The following SLC24A4 variants were observed in gnomAD, a reference collection of about 807,000 sequenced individuals.
The protein encoded by SLC24A4 is sodium/potassium/calcium exchanger 4.
Under a neutral mutation model 79.0 loss-of-function variants are expected in SLC24A4, and 53 were observed. The ratio of observed to expected loss-of-function variants is 0.67; its 90% CI spans 0.54 to 0.84. The LOEUF (loss-of-function observed/expected upper bound fraction) is 0.84, where lower values mean the gene tolerates loss of function less well. Among genes scored for constraint, SLC24A4 ranks in the 40% least tolerant of loss-of-function variants. The pLI, the probability that SLC24A4 is intolerant of heterozygous loss-of-function variation, is 0.00. For missense variants in SLC24A4, 731 were observed against 822.0 expected (o/e 0.89, Z 1.35); for synonymous variants, 323 against 323.8 (o/e 1.00, Z 0.03).
At position 92,491,730 on chromosome 14, in the gene SLC24A4, G is replaced by C. The variant is rs749066267; in HGVS notation, c.1603G>C (p.Gly535Arg). 7 of 1,613,964 alleles carry C rather than the reference G, an allele frequency of 4.3e-6. No homozygotes were observed. The highest frequency in any genetic ancestry group is 5.9e-6 in the Non-Finnish European group (7 of 1,179,878). Residue 535 changes from glycine to arginine, a missense_variant, in exon 15 of 17, where the codon GGT becomes CGT. By Grantham distance (125) the Gly-to-Arg change is moderately radical (BLOSUM62 -2). Transcript: ENST00000532405. ...SNVFDILVGL[G>R]VPWGLQTMVV... ...CGTGTTTGACATCCTGGTAGGACTT[G>C]GTGTACCGTGGGGCCTGCAGACCAT...
chr14:92,414,166 C>T (rs1272230630), intron 2 of SLC24A4, among the ~76,000 whole-genome samples: 1 of 152,060 alleles, frequency 6.6e-6, no homozygotes, highest in African/African-American at 2.4e-5. Flanking sequence ...CTATTGGCAT[C>T]GGGGGCTGGA....
Position 92,323,979 on chromosome 14 carries a change from C to T in SLC24A4, c.130+19C>T, listed in dbSNP as rs565075972. 2 of 1,606,220 alleles carry T rather than the reference C, an allele frequency of 1.2e-6. No homozygotes were observed. The highest frequency in any genetic ancestry group is 2.7e-5 in the African/African-American group (2 of 74,702). On this transcript the variant is annotated intron_variant, in intron 1 of 16. Coordinates refer to ENST00000532405, the MANE Select transcript of SLC24A4 (RefSeq NM_153646.4). The surrounding 1 kb of genome is among the most constrained non-coding windows in gnomAD (Gnocchi z 4.9). ...AGCTTGGGTGGGTGCTGGTACGGGT[C>T]CCCTCTTCCTGGGGAGTTGGGGGCT...
Position 92,456,404 on chromosome 14 carries a change from C to T in SLC24A4, c.1051C>T (p.Arg351Trp), listed in dbSNP as rs200923561. The T allele has an allele frequency of 9.3e-6, 15 of 1,614,124 alleles. No individual in the cohort carries two copies. Among genetic ancestry groups the T allele is most frequent in the Admixed American group, 8.3e-5 (5 of 60,030 alleles). Residue 351 changes from arginine to tryptophan, a missense_variant and splice_region_variant, in exon 12 of 17, where the codon CGG becomes TGG. Coordinates refer to ENST00000532405, the MANE Select transcript of SLC24A4 (RefSeq NM_153646.4). ...RMASRIIINE[R>W]QRLINSANGV... ...TCCATGTTGCCTCCTGTCCACACAGCGGCAGAGACTGATCAACTCGGCCAA... is the reference window on the plus strand; with the variant it reads ...TCCATGTTGCCTCCTGTCCACACAGTGGCAGAGACTGATCAACTCGGCCAA...
intron 2 of SLC24A4, among the ~76,000 whole-genome samples, chr14:92,328,175 C>G (rs1371099659): frequency 6.6e-6 from 1 of 152,216 alleles, no homozygotes; most frequent in Non-Finnish European, 1.5e-5. Flanking sequence ...GCCAGCCTTC[C>G]CTTCCAGCAT....
At chr14:92,397,994 A>G (rs550340461) in intron 2 of SLC24A4, among the ~76,000 whole-genome samples, 98 of 152,328 alleles carry the variant, frequency 6.4e-4, no homozygotes, top group Middle Eastern at 6.8e-3. Flanking sequence ...CAAGCCACGC[A>G]ACCAATAACG....
intron 2 of SLC24A4, among the ~76,000 whole-genome samples, chr14:92,350,954 G>T (rs1190154674): frequency 6.6e-6 from 1 of 152,150 alleles, no homozygotes; most frequent in Non-Finnish European, 1.5e-5. Flanking sequence ...CTCTCTTTCT[G>T]CCTTGTGAGG....
intron 8 of SLC24A4, 150 bp downstream of exon 8, chr14:92,445,492 T>A: frequency 1.1e-6 from 1 of 890,710 alleles, no homozygotes. Context: ...TTCTAAGCAG[T>A]CATGCCTTTC....
At chr14:92,407,948 T>C (rs1042297458) in intron 2 of SLC24A4, among the ~76,000 whole-genome samples, 2 of 147,004 alleles carry the variant, frequency 1.4e-5, no homozygotes, top group Admixed American at 1.4e-4. Flanking sequence ...CAGATAGAAA[T>C]TATTTCCAAT....
chr14:92,413,549 C>G (rs966317827), intron 2 of SLC24A4, among the ~76,000 whole-genome samples: 1 of 152,228 alleles, frequency 6.6e-6, no homozygotes, highest in Non-Finnish European at 1.5e-5. Context: ...TTACAGTCAC[C>G]ATTAGCTGCA....
chr14:92,324,688 C>G (rs1216998302), intron 1 of SLC24A4, among the ~76,000 whole-genome samples: 2 of 152,204 alleles, frequency 1.3e-5, no homozygotes, highest in African/African-American at 4.8e-5. Context: ...GCATTCACTT[C>G]CCTAACTCAG....
intron 12 of SLC24A4, among the ~76,000 whole-genome samples, chr14:92,460,525 A>T (rs1261601932): frequency 2.6e-5 from 4 of 151,986 alleles, no homozygotes; most frequent in Non-Finnish European, 5.9e-5. Context: ...GCTCAAGGAG[A>T]GGGAATTATC....
chr14:92,378,886 AAT>A (rs1380461170), intron 2 of SLC24A4, among the ~76,000 whole-genome samples: 1 of 152,168 alleles, frequency 6.6e-6, no homozygotes, highest in Non-Finnish European at 1.5e-5. Flanking sequence ...CCTGACTCTA[AAT>A]AAAAACAAAA....
At chr14:92,334,123 AG>A (rs1484741105) in intron 2 of SLC24A4, among the ~76,000 whole-genome samples, 2 of 152,226 alleles carry the variant, frequency 1.3e-5, no homozygotes, top group African/African-American at 4.8e-5. Flanking sequence ...TTGGGAGACA[AG>A]TCACACATCC....
At chr14:92,386,634 C>T (rs1889172867) in intron 2 of SLC24A4, among the ~76,000 whole-genome samples, 1 of 152,212 alleles carries the variant, frequency 6.6e-6, no homozygotes, top group Non-Finnish European at 1.5e-5. Context: ...TCTCTCCTCT[C>T]ACCCTAAAAG....
At chr14:92,417,253 C>T (rs970035407) in intron 2 of SLC24A4, among the ~76,000 whole-genome samples, 14 of 152,188 alleles carry the variant, frequency 9.2e-5, no homozygotes, top group African/African-American at 3.1e-4. Flanking sequence ...CACCTAGTGA[C>T]GTCTTGCTAG....
chr14:92,380,206 G>C (rs1258633242), intron 2 of SLC24A4, among the ~76,000 whole-genome samples: 1 of 152,226 alleles, frequency 6.6e-6, no homozygotes, highest in Non-Finnish European at 1.5e-5. Flanking sequence ...CCAAGGGCCA[G>C]AGGTAGAGCA....
intron 12 of SLC24A4, among the ~76,000 whole-genome samples, chr14:92,465,752 AC>A (rs1213543725): frequency 3.3e-5 from 5 of 151,568 alleles, no homozygotes; most frequent in Admixed American, 3.3e-4. Flanking sequence ...CCCCCTCCCG[AC>A]CCCCGAGAGC....
Position 92,343,636 on chromosome 14 carries a change from CTT to C in SLC24A4, c.241+17660_241+17661del, listed in dbSNP as rs1566700019. On this transcript the variant is annotated intron_variant, in intron 2 of 16. Coordinates refer to ENST00000532405, the MANE Select transcript of SLC24A4 (RefSeq NM_153646.4). ...TCTTTCTTTCTTTCTTTCTTTCTTTCTTTCTCTCTTTCCTTCTTTCCTTCCTT... is the reference window on the plus strand; with the variant it reads ...TCTTTCTTTCTTTCTTTCTTTCTTTCTCTCTCTTTCCTTCTTTCCTTCCTT... Among the ~76,000 whole-genome samples the C allele has an allele frequency of 1.2e-3, 172 of 142,770 alleles. 1 individual carries two copies. Among genetic ancestry groups the C allele is most frequent in the African/African-American group, 4.2e-3 (160 of 38,358 alleles). The allele number at this position is 142,770 out of a possible 152,430, so 93.7% of individuals were successfully genotyped here. A position where few individuals can be genotyped will look rare whatever the true frequency, so the allele number is the denominator to read the frequency against.
At chr14:92,473,255 A>G (rs1894533753) in intron 12 of SLC24A4, among the ~76,000 whole-genome samples, 1 of 152,196 alleles carries the variant, frequency 6.6e-6, no homozygotes, top group Admixed American at 6.5e-5. Context: ...CCTTCAGGAT[A>G]TTGCTAGGAC....
Sources: gnomAD v4.1 joint callset for allele counts (sites outside exome capture counted in the v4.1 genomes callset) on GRCh38, gnomAD v4.1.1 for gene constraint, Gnocchi (gnomAD v3.1) non-coding constraint, MANE v1.5 for transcripts, NCBI Gene and HGNC (gene_info 2026-07-23, HGNC 2026-07-21) for gene names.